The following TMEM181 variants were observed in gnomAD, a reference collection of about 807,000 sequenced individuals.
TMEM181 encodes the protein G protein-coupled receptor 178.
A neutral mutation model predicts 71.9 loss-of-function variants in TMEM181; 39 were observed. That is an observed-to-expected ratio of 0.54 (90% CI 0.42 to 0.71). The LOEUF (loss-of-function observed/expected upper bound fraction) is 0.71. Ranked by LOEUF, TMEM181 falls within the 30% of genes least tolerant of loss-of-function variation. The pLI is 0.00. For synonymous variants in TMEM181, 245 were observed against 228.8 expected, an observed-to-expected ratio of 1.07 and a Z score of -0.64; for missense variants, 595 against 583.0, an observed-to-expected ratio of 1.02 and a Z score of -0.21.
chr6:158,559,546 G>T (rs147879043), upstream of TMEM181, among the ~76,000 whole-genome samples: 189 of 152,314 alleles, frequency 1.2e-3, no homozygotes, highest in African/African-American at 4.3e-3. Context: ...GAGCCAAGAT[G>T]CGAAATCAGG....
chr6:158,560,296 ATCCCTGGCTCCCGGCGCCGTGCCGCAGGG>A (rs1782082531), intron 1 of TMEM181, 64 bp downstream of exon 1: 3 of 984,864 alleles, frequency 3.0e-6, no homozygotes, highest in Admixed American at 6.2e-5. Flanking sequence ...AAAGTTGGGG[ATCCCTGGCTCCCGGCGCCGTGCCGCAGGG>A]TCCCTGGCGC....
chr6:158,629,018 C>T (rs1309556755), intron 14 of TMEM181, among the ~76,000 whole-genome samples: 1 of 152,182 alleles, frequency 6.6e-6, no homozygotes, highest in Non-Finnish European at 1.5e-5. Context: ...TAGGGAAGAG[C>T]TCAGAAAATA....
intron 10 of TMEM181, among the ~76,000 whole-genome samples, chr6:158,615,782 A>G (rs908234061): frequency 3.9e-5 from 6 of 152,254 alleles, no homozygotes; most frequent in African/African-American, 9.6e-5. Context: ...TTTGTCAAAG[A>G]TCAGATGGTT....
chr6:158,573,468 C>G lies in TMEM181; in HGVS notation c.57C>G (p.Leu19=), dbSNP rs367777102. 1 of 1,605,300 alleles carries G rather than the reference C, an allele frequency of 6.2e-7. No homozygotes were observed. The highest frequency in any genetic ancestry group is 8.5e-7 in the Non-Finnish European group (1 of 1,176,022). Residue 19 remains leucine (L), a synonymous_variant, in exon 2 of 17, where the codon CTC becomes CTG. Coordinates refer to ENST00000684151, the MANE Select transcript of TMEM181 (RefSeq NM_001376852.1). ...LYTLSKRHFV[L]VFVVFFICFG... is the part of the protein sequence containing the mutation. ...CGCTCTCCAAGCGCCACTTTGTCCT[C>G]GTGTTTGTCGTCTTCTTCATCTGCT... is the stretch of plus-strand genomic sequence containing the variant.
Position 158,598,466 on chromosome 6 carries a change from CTG to C in TMEM181, c.493-6800_493-6799del, listed in dbSNP as rs1221530716. On this transcript the variant is annotated intron_variant, in intron 6 of 16. Coordinates refer to ENST00000684151, the MANE Select transcript of TMEM181 (RefSeq NM_001376852.1). ...GCTGCCCTGCAGTTTCCCAGGGAAA[CTG>C]AGAGGAGTGCGCCTGGCCATACTTT... Among the ~76,000 whole-genome samples, 9 of 152,158 alleles carry C rather than the reference CTG, an allele frequency of 5.9e-5. 1 individual carries two copies. The South Asian group carries it at 1.9e-3, about 32-fold the overall frequency.
chr6:158,538,065 G>T (rs1781193490), intron 1 of TMEM181, among the ~76,000 whole-genome samples: 1 of 151,760 alleles, frequency 6.6e-6, no homozygotes, highest in Admixed American at 6.6e-5. Flanking sequence ...AGAATCCACA[G>T]TTTCATATCA....
chr6:158,595,904 CTTGTCCAATTCTT>C (rs1305087237), intron 6 of TMEM181, among the ~76,000 whole-genome samples: 1 of 152,022 alleles, frequency 6.6e-6, no homozygotes, highest in East Asian at 1.9e-4. Context: ...ATTTAGGATA[CTTGTCCAATTCTT>C]TTTATTTATT....
intron 6 of TMEM181, among the ~76,000 whole-genome samples, chr6:158,604,159 T>C (rs932540605): frequency 6.6e-6 from 1 of 152,230 alleles, no homozygotes; most frequent in Non-Finnish European, 1.5e-5. Context: ...CTCTGTCCTG[T>C]GGATTCGGGC....
Position 158,584,018 on chromosome 6 carries a change from GTGT to G in TMEM181, c.239_241del (p.Val80del). On this transcript the variant is annotated inframe_deletion, in exon 4 of 17. Transcript: ENST00000684151. ...TACAATCAGCAACTATGGCTGACATGTGTTGTTGAGTTGGATCAATCAAAAGGT... is the reference window on the plus strand; with the variant it reads ...TACAATCAGCAACTATGGCTGACATGTGTTGAGTTGGATCAATCAAAAGGT... 1 of 1,612,012 alleles carries G rather than the reference GTGT, an allele frequency of 6.2e-7. No homozygotes were observed. The highest frequency in any genetic ancestry group is 8.5e-7 in the Non-Finnish European group (1 of 1,178,882).
intron 6 of TMEM181, among the ~76,000 whole-genome samples, chr6:158,603,220 C>A (rs1258552832): frequency 6.6e-6 from 1 of 152,294 alleles, no homozygotes; most frequent in South Asian, 2.1e-4. Context: ...CCAGTGGTCC[C>A]CAGCCTTTTT....
At chr6:158,628,883 A>C (rs1348731543) in intron 14 of TMEM181, among the ~76,000 whole-genome samples, 1 of 152,214 alleles carries the variant, frequency 6.6e-6, no homozygotes, top group East Asian at 1.9e-4. Context: ...ACTGCCCTCC[A>C]GCAGAGCACT....
chr6:158,586,092 C>A (rs767904925), intron 5 of TMEM181, among the ~76,000 whole-genome samples: 1 of 152,162 alleles, frequency 6.6e-6, no homozygotes, highest in Non-Finnish European at 1.5e-5. Flanking sequence ...GCCTCTTGGG[C>A]GTCAGGGGCC....
At chr6:158,570,985 T>C (rs1782774984) in intron 1 of TMEM181, among the ~76,000 whole-genome samples, 1 of 151,598 alleles carries the variant, frequency 6.6e-6, no homozygotes, top group Non-Finnish European at 1.5e-5. Flanking sequence ...TGATCTCGGC[T>C]CACTGCAACC....
intron 1 of TMEM181, among the ~76,000 whole-genome samples, chr6:158,552,587 C>T (rs1781753441): frequency 6.6e-6 from 1 of 152,156 alleles, no homozygotes; most frequent in Non-Finnish European, 1.5e-5. Context: ...TCAAGATAAA[C>T]ATTTTAGCAT....
intron 15 of TMEM181, among the ~76,000 whole-genome samples, chr6:158,630,677 G>A (rs1449561290): frequency 1.3e-5 from 2 of 150,784 alleles, no homozygotes; most frequent in Admixed American, 6.6e-5. Flanking sequence ...TAACCCCATC[G>A]TAAGTCAAGG....
At chr6:158,572,492 C>T in intron 1 of TMEM181, 1 of 456,618 alleles carries the variant, frequency 2.2e-6, no homozygotes, top group South Asian at 1.5e-5. Context: ...CTCCTCAGGG[C>T]ACAGGGCGGG....
At chr6:158,626,304 G>C (rs1186522776) in intron 13 of TMEM181, 2 of 440,444 alleles carry the variant, frequency 4.5e-6, no homozygotes. Context: ...TAGAGGAACA[G>C]AGCGGTCTGG....
At chr6:158,539,578 A>T (rs1469091890) in intron 1 of TMEM181, among the ~76,000 whole-genome samples, 1 of 152,236 alleles carries the variant, frequency 6.6e-6, no homozygotes, top group Non-Finnish European at 1.5e-5. Context: ...AACAGGGCGA[A>T]GCAAAGAACA....
At chr6:158,545,451 G>A (rs1781496261) in intron 1 of TMEM181, among the ~76,000 whole-genome samples, 1 of 152,268 alleles carries the variant, frequency 6.6e-6, no homozygotes, top group Non-Finnish European at 1.5e-5. Flanking sequence ...GCGAAGGGCT[G>A]ATCGCCTGCC....
Sources: gnomAD v4.1 joint callset for allele counts (sites outside exome capture counted in the v4.1 genomes callset) on GRCh38, gnomAD v4.1.1 for gene constraint, MANE v1.5 for transcripts, NCBI Gene and HGNC (gene_info 2026-07-23, HGNC 2026-07-21) for gene names.